Variants in DOCK3 observed in about 807,000 individuals in gnomAD.
DOCK3 encodes dedicator of cytokinesis protein 3.
A neutral mutation model predicts 265.6 loss-of-function variants in DOCK3; 60 were observed. The ratio of observed to expected loss-of-function variants is 0.23; its 90% CI spans 0.18 to 0.28. DOCK3 has a LOEUF of 0.28. Among genes scored for constraint, DOCK3 ranks in the 10% least tolerant of loss-of-function variants. DOCK3 has a pLI of 1.00. For missense variants in DOCK3, 1,981 were observed against 2,594.3 expected (o/e 0.76, Z 5.14); for synonymous variants, 881 against 938.0 (o/e 0.94, Z 1.11).
intron 22 of DOCK3, among the ~76,000 whole-genome samples, chr3:51,250,289 AAAAAAAATAAT>A (rs1560285828): frequency 2.0e-4 from 10 of 50,296 alleles, no homozygotes; most frequent in African/African-American, 5.7e-4. Context: ...AAAAAAAATT[AAAAAAAATAAT>A]AAAAAATAAA....
At chr3:51,257,092 G>T (rs551961258) in intron 22 of DOCK3, among the ~76,000 whole-genome samples, 4 of 152,328 alleles carry the variant, frequency 2.6e-5, no homozygotes, top group African/African-American at 9.6e-5. Context: ...GGTTTGGGTA[G>T]GGAGAAGGAA....
intron 12 of DOCK3, among the ~76,000 whole-genome samples, chr3:51,167,279 T>A (rs1240734287): frequency 2.6e-5 from 4 of 152,208 alleles, no homozygotes; most frequent in African/African-American, 9.6e-5. Context: ...ATTTCTGGGA[T>A]CTGTATTCTG....
Position 51,064,445 on chromosome 3 carries a change from C to A in DOCK3, c.316-3C>A. On this transcript the variant is annotated splice_region_variant and splice_polypyrimidine_tract_variant and intron_variant, in intron 5 of 52. Transcript: ENST00000266037. ...TCACCCAACACCAAAAATGCCCTTT[C>A]AGAAACACAAAGTAGATCTTTTCTA... 6.2e-7 allele frequency: 1 copy of A among 1,613,520 alleles called. No homozygotes were observed. The highest frequency in any genetic ancestry group is 8.5e-7 in the Non-Finnish European group (1 of 1,179,594).
intron 3 of DOCK3, among the ~76,000 whole-genome samples, chr3:50,878,488 A>T (rs1291426689): frequency 6.6e-6 from 1 of 152,250 alleles, no homozygotes; most frequent in African/African-American, 2.4e-5. Flanking sequence ...CGCATGCACA[A>T]GCTTCAGTAG....
chr3:51,000,100 A>G (rs971850326), intron 5 of DOCK3, among the ~76,000 whole-genome samples: 1 of 152,030 alleles, frequency 6.6e-6, no homozygotes, highest in African/African-American at 2.4e-5. Flanking sequence ...TCCCTTGTAT[A>G]CCTAGGTGCT....
rs772985578 is a variant in DOCK3, at chr3:51,330,194, C to T, written c.3459C>T (p.Asp1153=). 4 of 1,604,320 alleles carry T rather than the reference C, an allele frequency of 2.5e-6. No individual in the cohort carries two copies. The highest frequency in any genetic ancestry group is 1.1e-5 in the South Asian group (1 of 88,704). The change falls in exon 33 of 53, where the codon GAC becomes GAT. Residue 1153 remains aspartate, a synonymous_variant. Transcript: ENST00000266037. ...GCATGGTGTCAGAAGGGAAAGGTGA[C>T]GAGAGCTACAGGGAGCTCTTCAGCC... ...LDSMVSEGKG[D]ESYRELFSLL...
At chr3:50,820,931 G>T (rs1188727524) in intron 2 of DOCK3, among the ~76,000 whole-genome samples, 2 of 150,476 alleles carry the variant, frequency 1.3e-5, no homozygotes, top group Non-Finnish European at 3.0e-5. Flanking sequence ...ATGTTTGTTG[G>T]CTGCCTGTGT....
intron 12 of DOCK3, among the ~76,000 whole-genome samples, chr3:51,188,763 C>A (rs371186957): frequency 9.9e-5 from 15 of 152,108 alleles, no homozygotes; most frequent in Non-Finnish European, 1.0e-4. Context: ...TTATTCTTTT[C>A]AATGGCTGAA....
At chr3:51,007,494 G>A (rs1204267027) in intron 5 of DOCK3, among the ~76,000 whole-genome samples, 2 of 152,170 alleles carry the variant, frequency 1.3e-5, no homozygotes, top group East Asian at 1.9e-4. Context: ...AAATTTGTTT[G>A]AGTTCTTTGT....
At chr3:50,976,702 G>A (rs1375330475) in intron 5 of DOCK3, among the ~76,000 whole-genome samples, 1 of 151,736 alleles carries the variant, frequency 6.6e-6, no homozygotes, top group African/African-American at 2.4e-5. Context: ...TATCCTTGTT[G>A]ACTTTCTGTC....
chr3:50,868,607 C>T (rs996674540), intron 3 of DOCK3, among the ~76,000 whole-genome samples: 2 of 152,172 alleles, frequency 1.3e-5, no homozygotes, highest in African/African-American at 4.8e-5. Context: ...CTCCTGGGCT[C>T]AAGTGATCCA....
chr3:51,082,084 G>A (rs2082263188), intron 7 of DOCK3, among the ~76,000 whole-genome samples: 1 of 151,804 alleles, frequency 6.6e-6, no homozygotes, highest in Non-Finnish European at 1.5e-5. Context: ...GGAAGGAGAG[G>A]GAAGCAAAGC....
At chr3:50,803,003 G>C (rs1240230326) in intron 2 of DOCK3, among the ~76,000 whole-genome samples, 2 of 147,200 alleles carry the variant, frequency 1.4e-5, no homozygotes, top group African/African-American at 5.0e-5. Flanking sequence ...TATTTCAAAA[G>C]ACCTGTCTTG....
intron 5 of DOCK3, among the ~76,000 whole-genome samples, chr3:50,965,432 C>A (rs903516444): frequency 6.6e-6 from 1 of 151,872 alleles, no homozygotes; most frequent in Non-Finnish European, 1.5e-5. Context: ...TAATAAAGAT[C>A]TGAGCAGAAA....
chr3:51,136,938 G>A (rs2084833474), intron 9 of DOCK3, among the ~76,000 whole-genome samples: 2 of 151,812 alleles, frequency 1.3e-5, no homozygotes, highest in African/African-American at 2.4e-5. Context: ...GTAAGGTTCT[G>A]TTGAAAAGAA....
intron 9 of DOCK3, among the ~76,000 whole-genome samples, chr3:51,121,215 G>A (rs1437468819): frequency 6.6e-6 from 1 of 152,084 alleles, no homozygotes; most frequent in Non-Finnish European, 1.5e-5. Context: ...TCACAGCAGG[G>A]TCCCTCATGG....
chr3:51,309,478 G>T (rs1394920314), intron 27 of DOCK3, among the ~76,000 whole-genome samples: 1 of 152,216 alleles, frequency 6.6e-6, no homozygotes, highest in Non-Finnish European at 1.5e-5. Context: ...CAGGCACTCG[G>T]CAGGCTGAGG....
intron 5 of DOCK3, among the ~76,000 whole-genome samples, chr3:50,946,294 C>T (rs543536243): frequency 1.3e-5 from 2 of 152,214 alleles, no homozygotes; most frequent in African/African-American, 2.4e-5. Flanking sequence ...TATCTTACCC[C>T]ACCCTCAACT....
At chr3:50,720,811 T>C (rs905822637) in intron 1 of DOCK3, among the ~76,000 whole-genome samples, 1 of 152,218 alleles carries the variant, frequency 6.6e-6, no homozygotes, top group African/African-American at 2.4e-5. Context: ...AATTTACATT[T>C]CCACCAGCAG....
Sources: allele counts gnomAD v4.1 joint callset (sites outside exome capture counted in the v4.1 genomes callset), GRCh38; gene constraint gnomAD v4.1.1; transcripts MANE v1.5; gene names NCBI Gene and HGNC (gene_info 2026-07-23, HGNC 2026-07-21).